The following SNX16 variants were observed in gnomAD, a reference collection of about 807,000 sequenced individuals.
The protein encoded by SNX16 is sorting nexin 16.
A neutral mutation model predicts 36.7 loss-of-function variants in SNX16; 35 were observed. That is an observed-to-expected ratio of 0.95 (90% CI 0.73 to 1.27). SNX16 has a LOEUF of 1.27. Ranked by LOEUF, SNX16 falls within the 50% of genes most tolerant of loss-of-function variation. The pLI is 0.00. For missense variants in SNX16, 367 were observed against 393.6 expected, an observed-to-expected ratio of 0.93 and a Z score of 0.57; for synonymous variants, 134 against 132.0, an observed-to-expected ratio of 1.02 and a Z score of -0.10.
At chr8:81,834,232 G>A (rs1238228672) in intron 2 of SNX16, among the ~76,000 whole-genome samples, 4 of 152,158 alleles carry the variant, frequency 2.6e-5, no homozygotes, top group African/African-American at 7.2e-5. Flanking sequence ...CAGATATCAT[G>A]AGACTTACCC....
intron 3 of SNX16, among the ~76,000 whole-genome samples, chr8:81,824,979 C>G (rs1216186931): frequency 2.0e-5 from 3 of 152,134 alleles, no homozygotes; most frequent in Non-Finnish European, 4.4e-5. Context: ...AGGTTGTCAG[C>G]CATAAGCCTA....
intron 2 of SNX16, among the ~76,000 whole-genome samples, chr8:81,837,931 T>C (rs1456423776): frequency 2.6e-5 from 4 of 152,216 alleles, no homozygotes. Context: ...CAATTTTTCC[T>C]TGGAGGTCCT....
chr8:81,831,510 T>C (rs751003933), intron 2 of SNX16, among the ~76,000 whole-genome samples: 5 of 151,380 alleles, frequency 3.3e-5, no homozygotes, highest in Non-Finnish European at 7.4e-5. Context: ...CTGGTCAACA[T>C]GGTATGGTGA....
At chr8:81,808,420 G>T (rs1168849783) in intron 5 of SNX16, 3 of 1,197,988 alleles carry the variant, frequency 2.5e-6, no homozygotes, top group East Asian at 4.7e-5. Flanking sequence ...GACAACTTTG[G>T]TTGTGGAGGA....
At chr8:81,826,566 C>T (rs1331989356) in intron 3 of SNX16, among the ~76,000 whole-genome samples, 1 of 152,114 alleles carries the variant, frequency 6.6e-6, no homozygotes, top group Non-Finnish European at 1.5e-5. Context: ...CACCCTAAAA[C>T]CCCGCCTGGT....
chr8:81,817,906 A>G (rs1293830889), intron 4 of SNX16, among the ~76,000 whole-genome samples: 5 of 152,068 alleles, frequency 3.3e-5, no homozygotes, highest in Non-Finnish European at 7.4e-5. Flanking sequence ...TATTATCTGG[A>G]ATACATTTTT....
At chr8:81,825,545 TTAC>T (rs1810973745) in intron 3 of SNX16, among the ~76,000 whole-genome samples, 2 of 152,206 alleles carry the variant, frequency 1.3e-5, no homozygotes, top group African/African-American at 4.8e-5. Flanking sequence ...GAGAACCATT[TTAC>T]TACACTACAA....
At chr8:81,806,584 A>G (rs912655897) in intron 5 of SNX16, among the ~76,000 whole-genome samples, 4 of 152,210 alleles carry the variant, frequency 2.6e-5, no homozygotes, top group African/African-American at 9.6e-5. Flanking sequence ...CATATCCAAC[A>G]GCAAAATACA....
intron 5 of SNX16, among the ~76,000 whole-genome samples, chr8:81,806,626 A>G (rs1809962171): frequency 6.6e-6 from 1 of 152,226 alleles, no homozygotes; most frequent in Non-Finnish European, 1.5e-5. Context: ...GGATGAAAGG[A>G]AAAGGATGCC....
intron 5 of SNX16, among the ~76,000 whole-genome samples, chr8:81,804,243 T>C (rs536345226): frequency 3.1e-4 from 47 of 152,112 alleles, no homozygotes; most frequent in Admixed American, 1.4e-3. Flanking sequence ...GCATTACCAA[T>C]ACACATTCAC....
Position 81,803,354 on chromosome 8 carries a change from T to C in SNX16, c.682-126A>G. The C allele has an allele frequency of 5.2e-6, 5 of 965,658 alleles. No homozygotes were observed. The South Asian group carries it at 5.6e-5, about 11-fold the overall frequency. The allele number at this position is 965,658 out of a possible 1,614,324, so 59.8% of individuals were successfully genotyped here. ...AACACAGATAATCAAAATAATAGTATGAAACTCCAAATGATTTGTTCTCTA... is the reference window on the plus strand; with the variant it reads ...AACACAGATAATCAAAATAATAGTACGAAACTCCAAATGATTTGTTCTCTA... On this transcript the variant is annotated intron_variant, in intron 5 of 7. Coordinates refer to ENST00000345957, the MANE Select transcript of SNX16 (RefSeq NM_152836.3).
At chr8:81,820,740 T>G (rs1185989667) in intron 4 of SNX16, among the ~76,000 whole-genome samples, 4 of 152,032 alleles carry the variant, frequency 2.6e-5, no homozygotes, top group Non-Finnish European at 4.4e-5. Context: ...GTTACTTTTA[T>G]AAAATGTATC....
intron 2 of SNX16, among the ~76,000 whole-genome samples, chr8:81,831,850 A>T (rs1035471644): frequency 6.6e-6 from 1 of 152,204 alleles, no homozygotes; most frequent in African/African-American, 2.4e-5. Flanking sequence ...GAAAAATGTA[A>T]ATCAAAACCA....
At chr8:81,817,816 G>A (rs957658034) in intron 4 of SNX16, among the ~76,000 whole-genome samples, 1 of 152,052 alleles carries the variant, frequency 6.6e-6, no homozygotes, top group African/African-American at 2.4e-5. Context: ...CCTCACCCTT[G>A]CTTGAGAATC....
At chr8:81,823,624 T>C (rs897175719) in intron 4 of SNX16, among the ~76,000 whole-genome samples, 168 bp downstream of exon 4, 4 of 152,106 alleles carry the variant, frequency 2.6e-5, no homozygotes, top group South Asian at 4.1e-4. Flanking sequence ...AAAGTCCTTA[T>C]TGAAAGAAAG....
At chr8:81,808,011 T>C in intron 5 of SNX16, 1 of 836,270 alleles carries the variant, frequency 1.2e-6, no homozygotes, top group Non-Finnish European at 2.1e-6. Flanking sequence ...AGAAGGTGGA[T>C]GGAAGAGTTG....
chr8:81,802,962 G>T, intron 6 of SNX16, 130 bp downstream of exon 6: 1 of 771,942 alleles, frequency 1.3e-6, no homozygotes, highest in East Asian at 3.1e-5. Flanking sequence ...TTTTCCCAAT[G>T]AAGTATGCCA....
At chr8:81,812,194 A>G (rs774471) in intron 5 of SNX16, among the ~76,000 whole-genome samples, 23,567 of 151,992 alleles carry the variant, frequency 0.16, 2,369 homozygotes, top group South Asian at 0.25. Flanking sequence ...AGGGTATACA[A>G]ATATACAAGT....
intron 2 of SNX16, among the ~76,000 whole-genome samples, chr8:81,836,649 A>T (rs1173055916): frequency 6.6e-6 from 1 of 152,122 alleles, no homozygotes; most frequent in East Asian, 1.9e-4. Context: ...GAACCTGATC[A>T]CTTCTCAGGA....
Sources: allele counts gnomAD v4.1 joint callset (sites outside exome capture counted in the v4.1 genomes callset), GRCh38; gene constraint gnomAD v4.1.1; transcripts MANE v1.5; gene names NCBI Gene and HGNC (gene_info 2026-07-23, HGNC 2026-07-21).